Variants in ARHGAP23 observed in about 807,000 individuals in gnomAD.
The protein encoded by ARHGAP23 is rho GTPase-activating protein 23.
ARHGAP23 carries 34 observed loss-of-function variants against 136.3 expected under a neutral mutation model. That is an observed-to-expected ratio of 0.25 (90% CI 0.19 to 0.33). The LOEUF (loss-of-function observed/expected upper bound fraction) is 0.33. ARHGAP23 is among the 10% of genes least tolerant of loss of function. ARHGAP23 has a pLI of 1.00. For missense variants in ARHGAP23, 1,808 were observed against 2,139.0 expected, an observed-to-expected ratio of 0.85 and a Z score of 3.05; for synonymous variants, 832 against 920.5, an observed-to-expected ratio of 0.90 and a Z score of 1.74.
rs528183064 is a variant in ARHGAP23 at position 38,510,370 on chromosome 17, G to C, written c.3874G>C (p.Ala1292Pro). Residue 1292 changes from alanine to proline, a missense_variant, in exon 24 of 24, where the codon GCG becomes CCG. Coordinates refer to ENST00000622683, the MANE Select transcript of ARHGAP23 (RefSeq NM_001199417.2). The surrounding 1 kb of genome is among the most constrained non-coding windows in gnomAD (Gnocchi z 4.6). ...CCACGTGGAGACGGACACTGAGGGC[G>C]CGGCGGGCGCGGGGCCTGGGGGGCG... ...LSHVETDTEG[A>P]AGAGPGGRLT... The C allele has an allele frequency of 1.1e-3, 1,379 of 1,246,724 alleles. 14 individuals carry two copies. In the African/African-American group the frequency reaches 0.02, roughly 18 times the overall value. 77.2% of individuals were successfully genotyped at this position (1,246,724 alleles called of 1,614,324 possible). A position where few individuals can be genotyped will look rare whatever the true frequency, so the allele number is the denominator to read the frequency against.
chr17:38,428,583 G>A (rs900854549), intron 1 of ARHGAP23, 35 bp downstream of exon 1: 195 of 1,351,510 alleles, frequency 1.4e-4, no homozygotes, highest in Non-Finnish European at 1.8e-4. Flanking sequence ...GGGCGGGGCC[G>A]GTAGCTGCTG....
At chr17:38,481,271 C>T (rs1404201434) in intron 14 of ARHGAP23, among the ~76,000 whole-genome samples, 10 of 152,178 alleles carry the variant, frequency 6.6e-5, no homozygotes, top group Admixed American at 1.3e-4. Flanking sequence ...CTCAGCCTCC[C>T]GAGTAGCTGG....
intron 2 of ARHGAP23, among the ~76,000 whole-genome samples, chr17:38,459,303 T>G (rs1431022813): frequency 6.6e-6 from 1 of 152,212 alleles, no homozygotes; most frequent in African/African-American, 2.4e-5. Flanking sequence ...GCCATGGACA[T>G]GCATGTGTGT....
At chr17:38,459,743 C>T (rs538260540) in intron 2 of ARHGAP23, among the ~76,000 whole-genome samples, 23 of 152,186 alleles carry the variant, frequency 1.5e-4, no homozygotes, top group Admixed American at 5.2e-4. Context: ...TGTGTTCTCC[C>T]GTCCTTCATG....
chr17:38,494,357 G>A (rs569283443), intron 20 of ARHGAP23, among the ~76,000 whole-genome samples: 6 of 152,290 alleles, frequency 3.9e-5, no homozygotes, highest in African/African-American at 9.6e-5. Context: ...CATCCTCTTC[G>A]TCGTGGTCAT....
At chr17:38,485,189 A>C (rs1232851433) in intron 16 of ARHGAP23, among the ~76,000 whole-genome samples, 1 of 152,128 alleles carries the variant, frequency 6.6e-6, no homozygotes, top group African/African-American at 2.4e-5. Context: ...TGTCCTGTGC[A>C]CTGGAGGGAA....
At chr17:38,428,439 C>A, upstream of ARHGAP23, 3 of 1,282,446 alleles carry the variant, frequency 2.3e-6, no homozygotes, top group Non-Finnish European at 3.0e-6. Flanking sequence ...GGGTCCCTGC[C>A]GGCGCCCCCA....
intron 11 of ARHGAP23, among the ~76,000 whole-genome samples, chr17:38,474,210 C>T (rs1171114980): frequency 1.3e-5 from 2 of 152,202 alleles, no homozygotes; most frequent in African/African-American, 4.8e-5. Context: ...CGTGAGCCAC[C>T]GTGCCCAGCT....
At chr17:38,498,807 C>A in intron 22 of ARHGAP23, 2 of 670,150 alleles carry the variant, frequency 3.0e-6, no homozygotes, top group Non-Finnish European at 5.4e-6. Flanking sequence ...CTGGCTGTGT[C>A]CTTCTGGGCA....
rs1260594776 is a variant in ARHGAP23 at position 38,477,886 on chromosome 17, C to T, written c.2426C>T (p.Ala809Val). The stretch of plus-strand genomic sequence containing the variant: ...AGAGCGATCCGGGAGAACAGCAGGG[C>T]CGAGGGCGAGGTGAGGGCCCGGCCA... Reference protein sequence around the residue: ...WIRAIRENSRAEGEDPGCANQ... With the variant: ...WIRAIRENSRVEGEDPGCANQ... Residue 809 changes from alanine to valine, a missense_variant, in exon 12 of 24, where the codon GCC becomes GTC. Coordinates refer to ENST00000622683, the MANE Select transcript of ARHGAP23 (RefSeq NM_001199417.2). This position sits in a 1 kb window ranked among gnomAD's most constrained non-coding sequence, Gnocchi z 6.6. 1 of 1,547,994 alleles carries T rather than the reference C, an allele frequency of 6.5e-7. No individual in the cohort carries two copies. Among genetic ancestry groups the T allele is most frequent in the Non-Finnish European group, 8.7e-7 (1 of 1,146,372 alleles).
At chr17:38,500,006 C>T (rs1406365986) in intron 22 of ARHGAP23, among the ~76,000 whole-genome samples, 3 of 152,320 alleles carry the variant, frequency 2.0e-5, no homozygotes, top group African/African-American at 2.4e-5. Context: ...ACCCCAGGTC[C>T]GGAGGTGGAA....
chr17:38,459,326 G>A (rs577127839), intron 2 of ARHGAP23, among the ~76,000 whole-genome samples: 6 of 152,336 alleles, frequency 3.9e-5, no homozygotes, highest in African/African-American at 1.4e-4. Flanking sequence ...CTCTCTGTGT[G>A]CATATAGTGT....
chr17:38,450,399 T>C (rs2039134093), intron 1 of ARHGAP23: 1 of 152,106 alleles, frequency 6.6e-6, no homozygotes, highest in South Asian at 2.1e-4. Context: ...CTCAGTTTCT[T>C]TTTTAAATTT....
At position 38,471,387 on chromosome 17, in the gene ARHGAP23, A is replaced by G. The variant is rs551313128; in HGVS notation, c.1975-476A>G. Among the ~76,000 whole-genome samples the G allele has an allele frequency of 3.3e-5, 5 of 152,320 alleles. No individual in the cohort carries two copies. The South Asian group carries it at 1.0e-3, about 32-fold the overall frequency. Reference sequence around the variant, plus strand: ...TTATTTCTTATCACTTTTTCTGCTTACTTAACTCTCCCTTGACTTGCGCCC... The same window carrying G: ...TTATTTCTTATCACTTTTTCTGCTTGCTTAACTCTCCCTTGACTTGCGCCC... On this transcript the variant is annotated intron_variant, in intron 10 of 23. Transcript: ENST00000622683.
At chr17:38,467,947 G>A (rs1299501719) in intron 7 of ARHGAP23, among the ~76,000 whole-genome samples, 4 of 152,166 alleles carry the variant, frequency 2.6e-5, no homozygotes, top group Non-Finnish European at 5.9e-5. Context: ...ATGCTCTCCT[G>A]GACTGGATGG....
upstream of ARHGAP23, among the ~76,000 whole-genome samples, chr17:38,423,657 G>A (rs1485578944): frequency 6.6e-6 from 1 of 152,132 alleles, no homozygotes; most frequent in Non-Finnish European, 1.5e-5. Context: ...ACAGATGTGA[G>A]CCACCGCGCC....
chr17:38,437,384 C>G (rs2038820730), intron 1 of ARHGAP23, among the ~76,000 whole-genome samples: 1 of 151,996 alleles, frequency 6.6e-6, no homozygotes, highest in Non-Finnish European at 1.5e-5. Context: ...CCTTGGTCTC[C>G]CAAAGTATTG....
At chr17:38,445,045 T>TGAC (rs955061093) in intron 1 of ARHGAP23, among the ~76,000 whole-genome samples, 3 of 152,118 alleles carry the variant, frequency 2.0e-5, no homozygotes, top group African/African-American at 7.2e-5. Flanking sequence ...CTCAAACTCC[T>TGAC]GACCTCAGGT....
chr17:38,454,677 C>A (rs1253789083), intron 1 of ARHGAP23, among the ~76,000 whole-genome samples: 2 of 152,098 alleles, frequency 1.3e-5, no homozygotes, highest in African/African-American at 2.4e-5. Flanking sequence ...GGGGGACTGC[C>A]GTGTTTCTGA....
Sources: allele counts gnomAD v4.1 joint callset (sites outside exome capture counted in the v4.1 genomes callset), GRCh38; gene constraint gnomAD v4.1.1; non-coding constraint Gnocchi (gnomAD v3.1); transcripts MANE v1.5; gene names NCBI Gene and HGNC (gene_info 2026-07-23, HGNC 2026-07-21).